Variants in EHMT1 observed in about 807,000 individuals in gnomAD.
The protein encoded by EHMT1 is histone-lysine N-methyltransferase EHMT1.
In EHMT1, 15 loss-of-function variants were observed where a neutral mutation model predicts 147.2. The observed-to-expected ratio is 0.10, with a 90% confidence interval of 0.07 to 0.16. The LOEUF is 0.16. EHMT1 is among the 10% of genes least tolerant of loss of function. The pLI, the probability that EHMT1 is intolerant of heterozygous loss-of-function variation, is 1.00. For synonymous variants in EHMT1, 795 were observed against 709.6 expected (o/e 1.12, Z -1.91); for missense variants, 1,587 against 1,772.4 (o/e 0.90, Z 1.88).
At chr9:137,793,286 C>T (rs1226056103) in intron 16 of EHMT1, among the ~76,000 whole-genome samples, 8 of 152,176 alleles carry the variant, frequency 5.3e-5, no homozygotes, top group Admixed American at 5.2e-4. Context: ...AAAGAAGGGG[C>T]TTGAGTAGCC....
chr9:137,704,199 A>G (rs1156884571), intron 1 of EHMT1, among the ~76,000 whole-genome samples: 1 of 152,170 alleles, frequency 6.6e-6, no homozygotes, highest in Non-Finnish European at 1.5e-5. Context: ...ACAGTTCAAC[A>G]TGAGATTTTG....
chr9:137,719,734 C>T (rs1380503602), intron 3 of EHMT1, among the ~76,000 whole-genome samples: 2 of 152,212 alleles, frequency 1.3e-5, no homozygotes, highest in African/African-American at 4.8e-5. Flanking sequence ...TTCACCATCA[C>T]CTGTGTGCAC....
chr9:137,783,254 C>T (rs1389706642), intron 15 of EHMT1, among the ~76,000 whole-genome samples: 4 of 152,198 alleles, frequency 2.6e-5, no homozygotes, highest in African/African-American at 9.7e-5. Context: ...TGTCCTGGGA[C>T]TCTCATAACT....
intron 1 of EHMT1, among the ~76,000 whole-genome samples, chr9:137,682,636 G>A (rs1246968267): frequency 6.6e-6 from 1 of 152,152 alleles, no homozygotes; most frequent in Non-Finnish European, 1.5e-5. Flanking sequence ...TGCTAAAGAG[G>A]CCACTTGTCA....
At chr9:137,626,567 G>A (rs1230159252) in intron 1 of EHMT1, among the ~76,000 whole-genome samples, 1 of 147,120 alleles carries the variant, frequency 6.8e-6, no homozygotes, top group Non-Finnish European at 1.5e-5. Context: ...TTCATTTTTT[G>A]TGTTTTCCCT....
chr9:137,754,105 A>T (rs1451129336), intron 7 of EHMT1, 66 bp from the exon 8 acceptor site: 1 of 1,611,024 alleles, frequency 6.2e-7, no homozygotes, highest in Non-Finnish European at 8.5e-7. Context: ...AAACACTTGT[A>T]GTGCTCTTGC....
chr9:137,621,472 G>A (rs1035507943), intron 1 of EHMT1, among the ~76,000 whole-genome samples: 9 of 152,142 alleles, frequency 5.9e-5, no homozygotes, highest in African/African-American at 2.2e-4. Context: ...CGAGGTGGGC[G>A]GATCACTTGA....
intron 14 of EHMT1, among the ~76,000 whole-genome samples, chr9:137,780,495 C>T (rs560319855): frequency 8.4e-6 from 1 of 119,732 alleles, no homozygotes; most frequent in Non-Finnish European, 1.6e-5. Context: ...GTGGTGATGA[C>T]GCTGAGACGT....
intron 1 of EHMT1, among the ~76,000 whole-genome samples, chr9:137,670,364 C>A (rs185651094): frequency 6.6e-6 from 1 of 152,174 alleles, no homozygotes; most frequent in Non-Finnish European, 1.5e-5. Context: ...CGGTAGCCTT[C>A]CTCCCTTGGC....
At chr9:137,790,991 C>T in intron 16 of EHMT1, 21 bp downstream of exon 16, 1 of 1,614,186 alleles carries the variant, frequency 6.2e-7, no homozygotes, top group African/African-American at 1.3e-5. Context: ...CTGTCAGAAT[C>T]AACGTCCTAG....
chr9:137,796,884 G>C (rs945932026), intron 16 of EHMT1, among the ~76,000 whole-genome samples: 3 of 152,086 alleles, frequency 2.0e-5, no homozygotes, highest in Admixed American at 2.0e-4. Flanking sequence ...GACTGACGGG[G>C]CGGGACATAG....
At chr9:137,721,151 A>ACCCCTCCCAGACTTCTCACACTCAT (rs1564637600) in intron 3 of EHMT1, among the ~76,000 whole-genome samples, 1 of 61,596 alleles carries the variant, frequency 1.6e-5, no homozygotes, top group African/African-American at 8.8e-5. Flanking sequence ...TCTCACACTC[A>ACCCCTCCCAGACTTCTCACACTCAT]CCCCTCCCAG....
chr9:137,791,052 C>T (rs1178059620), intron 16 of EHMT1, 82 bp downstream of exon 16: 7 of 1,609,984 alleles, frequency 4.3e-6, no homozygotes, highest in Admixed American at 3.3e-5. Context: ...TCCTTACTGA[C>T]ATCTCCAGGA....
At chr9:137,631,265 G>C (rs1045080841) in intron 1 of EHMT1, among the ~76,000 whole-genome samples, 16 of 151,950 alleles carry the variant, frequency 1.1e-4, no homozygotes, top group Non-Finnish European at 2.1e-4. Flanking sequence ...GATGGCGGGC[G>C]CCTGTAATCC....
At chr9:137,730,717 C>T (rs546663394) in intron 4 of EHMT1, among the ~76,000 whole-genome samples, 1 of 152,324 alleles carries the variant, frequency 6.6e-6, no homozygotes, top group African/African-American at 2.4e-5. Context: ...TCCCCCTAGG[C>T]TGGTTCTGAG....
intron 25 of EHMT1, 21 bp downstream of exon 25, chr9:137,818,159 G>A (rs1184515112): frequency 6.2e-7 from 1 of 1,613,438 alleles, no homozygotes; most frequent in Non-Finnish European, 8.5e-7. Flanking sequence ...TTGTGGGGTT[G>A]GGGCCACGCA....
intron 1 of EHMT1, among the ~76,000 whole-genome samples, chr9:137,644,133 C>T (rs1340578418): frequency 1.3e-5 from 2 of 152,184 alleles, no homozygotes; most frequent in Non-Finnish European, 2.9e-5. Context: ...GCTGATCCCG[C>T]CGTGCATTGC....
At chr9:137,777,186 C>G (rs1220844528) in intron 12 of EHMT1, 2 of 329,410 alleles carry the variant, frequency 6.1e-6, no homozygotes, top group East Asian at 1.5e-4. Context: ...TGACCGAGTT[C>G]TGTGGTATTA....
intron 23 of EHMT1, chr9:137,817,138 A>G: frequency 2.1e-6 from 1 of 473,578 alleles, no homozygotes; most frequent in Non-Finnish European, 3.9e-6. Context: ...TGCCCCTCAC[A>G]GTGCCTAGTG....
Sources: gnomAD v4.1 joint callset for allele counts (sites outside exome capture counted in the v4.1 genomes callset) on GRCh38, gnomAD v4.1.1 for gene constraint, MANE v1.5 for transcripts, NCBI Gene and HGNC (gene_info 2026-07-23, HGNC 2026-07-21) for gene names.